Variants in PRKG1 observed in about 807,000 individuals in gnomAD.
The protein encoded by PRKG1 is cGMP-dependent protein kinase 1.
In PRKG1, 35 loss-of-function variants were observed where a neutral mutation model predicts 88.1. That is an observed-to-expected ratio of 0.40 (90% CI 0.30 to 0.53). PRKG1 has a LOEUF of 0.53. Among genes scored for constraint, PRKG1 ranks in the 20% least tolerant of loss-of-function variants. PRKG1 has a pLI of 0.59. For synonymous variants in PRKG1, 303 were observed against 292.5 expected, an observed-to-expected ratio of 1.04 and a Z score of -0.37; for missense variants, 540 against 839.8, an observed-to-expected ratio of 0.64 and a Z score of 4.41.
At chr10:51,374,099 T>A (rs1003058797) in intron 2 of PRKG1, among the ~76,000 whole-genome samples, 23 of 127,452 alleles carry the variant, frequency 1.8e-4, no homozygotes, top group African/African-American at 3.5e-4. Context: ...AAAAAATATA[T>A]ATATATATAT....
intron 1 of PRKG1, among the ~76,000 whole-genome samples, chr10:51,012,252 C>A (rs1843002091): frequency 6.6e-6 from 1 of 152,112 alleles, no homozygotes; most frequent in Non-Finnish European, 1.5e-5. Flanking sequence ...AGCAGAGTTT[C>A]CTGGTTGTTC....
In PRKG1 at chr10:50,991,743, C is replaced by A; in HGVS notation, c.266+99C>A. 2.1e-6 allele frequency: 2 copies of A among 948,698 alleles called. No homozygotes were observed. Among genetic ancestry groups the A allele is most frequent in the South Asian group, 4.9e-5 (1 of 20,510 alleles). 58.8% of individuals were successfully genotyped at this position (948,698 alleles called of 1,614,324 possible). A position where few individuals can be genotyped will look rare whatever the true frequency, so the allele number is the denominator to read the frequency against. ...GGCGGGGGCGGGTCGGCCCAGGGCG[C>A]CCCCTGCTCGCTGCGGCGCGCGGAG... On this transcript the variant is annotated intron_variant, in intron 1 of 17. Coordinates refer to the PRKG1 transcript ENST00000401604. This position sits in a 1 kb window ranked among gnomAD's most constrained non-coding sequence, Gnocchi z 4.5.
intron 3 of PRKG1, among the ~76,000 whole-genome samples, chr10:51,475,065 C>T (rs1840154026): frequency 6.6e-6 from 1 of 151,932 alleles, no homozygotes; most frequent in African/African-American, 2.4e-5. Flanking sequence ...TCATGAAGTG[C>T]ATTAGTGTAG....
intron 2 of PRKG1, among the ~76,000 whole-genome samples, chr10:51,358,495 A>T (rs1842412920): frequency 6.6e-6 from 1 of 151,942 alleles, no homozygotes; most frequent in African/African-American, 2.4e-5. Context: ...ATACTGGTGA[A>T]TCTGTCTTTA....
chr10:51,959,370 GAA>G (rs1843390904), intron 5 of PRKG1, among the ~76,000 whole-genome samples: 1 of 152,260 alleles, frequency 6.6e-6, no homozygotes, highest in Non-Finnish European at 1.5e-5. Context: ...TACAGTTTGT[GAA>G]ACCTATCAAA....
chr10:51,621,495 A>G (rs146557875), intron 3 of PRKG1, among the ~76,000 whole-genome samples: 1 of 152,274 alleles, frequency 6.6e-6, no homozygotes, highest in Non-Finnish European at 1.5e-5. Context: ...GCACCAGCCA[A>G]AAGTATACAA....
At chr10:52,020,589 TCA>T (rs1337137116) in intron 5 of PRKG1, among the ~76,000 whole-genome samples, 1 of 152,074 alleles carries the variant, frequency 6.6e-6, no homozygotes. Context: ...CACATGAAGG[TCA>T]AGAGTGGTGT....
chr10:52,281,113 A>T (rs1841994257), intron 13 of PRKG1, among the ~76,000 whole-genome samples, 183 bp downstream of exon 13: 1 of 152,134 alleles, frequency 6.6e-6, no homozygotes, highest in Non-Finnish European at 1.5e-5. Flanking sequence ...AGTTATGAAA[A>T]ATTAAGTTGG....
intron 4 of PRKG1, among the ~76,000 whole-genome samples, chr10:51,870,924 G>A (rs990483347): frequency 2.6e-5 from 4 of 152,170 alleles, no homozygotes; most frequent in Non-Finnish European, 4.4e-5. Flanking sequence ...ACATCAGCCT[G>A]AGTTACTCTA....
intron 2 of PRKG1, among the ~76,000 whole-genome samples, chr10:51,331,236 A>G (rs1232953354): frequency 1.3e-5 from 2 of 151,988 alleles, no homozygotes; most frequent in Non-Finnish European, 2.9e-5. Flanking sequence ...GGCATACTAG[A>G]AGCCAGAGGC....
At chr10:51,736,084 GT>G (rs1268271598) in intron 3 of PRKG1, among the ~76,000 whole-genome samples, 1 of 151,164 alleles carries the variant, frequency 6.6e-6, no homozygotes, top group Admixed American at 6.6e-5. Context: ...TAGCTATGGG[GT>G]TTTGCCATGT....
chr10:51,516,547 C>G (rs1841592200), intron 3 of PRKG1, among the ~76,000 whole-genome samples: 2 of 152,092 alleles, frequency 1.3e-5, no homozygotes, highest in African/African-American at 4.8e-5. Flanking sequence ...TGCCAGGGAC[C>G]CACTGCTTTC....
chr10:52,086,333 G>A (rs781013857), intron 7 of PRKG1, among the ~76,000 whole-genome samples: 6 of 150,022 alleles, frequency 4.0e-5, no homozygotes, highest in Non-Finnish European at 7.4e-5. Flanking sequence ...TACACTAAAA[G>A]TAGCACACTA....
At chr10:51,053,203 CT>C (rs1328698051) in intron 1 of PRKG1, among the ~76,000 whole-genome samples, 1 of 151,818 alleles carries the variant, frequency 6.6e-6, no homozygotes, top group Non-Finnish European at 1.5e-5. Flanking sequence ...GCACTCCAGT[CT>C]GGGCGATAGC....
intron 2 of PRKG1, among the ~76,000 whole-genome samples, chr10:51,185,824 T>C (rs1837470628): frequency 6.6e-6 from 1 of 151,792 alleles, no homozygotes. Flanking sequence ...TATCCTTCTC[T>C]CTCATTCATG....
intron 5 of PRKG1, among the ~76,000 whole-genome samples, chr10:51,997,522 A>G (rs916363459): frequency 3.3e-5 from 5 of 151,998 alleles, no homozygotes; most frequent in Admixed American, 6.6e-5. Context: ...CTTCTATAAC[A>G]TAGTGGCTAT....
chr10:52,109,560 A>G (rs1847506253), intron 7 of PRKG1, among the ~76,000 whole-genome samples: 1 of 152,146 alleles, frequency 6.6e-6, no homozygotes, highest in Non-Finnish European at 1.5e-5. Flanking sequence ...TGAGGTCAGG[A>G]GTTCAAGACC....
At chr10:52,289,383 G>A (rs539661319) in intron 16 of PRKG1, among the ~76,000 whole-genome samples, 1 of 152,190 alleles carries the variant, frequency 6.6e-6, no homozygotes, top group South Asian at 2.1e-4. Context: ...TTCCTAATTA[G>A]ATGTTATAAC....
intron 5 of PRKG1, among the ~76,000 whole-genome samples, chr10:51,925,506 G>T (rs1842555569): frequency 6.6e-6 from 1 of 152,098 alleles, no homozygotes; most frequent in Admixed American, 6.6e-5. Context: ...TCAAAGACTA[G>T]AGGGAACTGG....
Sources: allele counts gnomAD v4.1 joint callset (sites outside exome capture counted in the v4.1 genomes callset), GRCh38; gene constraint gnomAD v4.1.1; non-coding constraint Gnocchi (gnomAD v3.1); transcripts MANE v1.5; gene names NCBI Gene and HGNC (gene_info 2026-07-23, HGNC 2026-07-21).